Variants in MYT1L observed in about 807,000 individuals in gnomAD.
MYT1L encodes the protein myelin transcription factor 1-like protein.
In MYT1L, 12 loss-of-function variants were observed where a neutral mutation model predicts 126.7. The ratio of observed to expected loss-of-function variants is 0.09; its 90% CI spans 0.06 to 0.15. The LOEUF (loss-of-function observed/expected upper bound fraction) is 0.15. Among genes scored for constraint, MYT1L ranks in the 10% least tolerant of loss-of-function variants. The pLI is 1.00. For synonymous variants in MYT1L, 541 were observed against 604.2 expected, an observed-to-expected ratio of 0.90 and a Z score of 1.53; for missense variants, 979 against 1,585.2, an observed-to-expected ratio of 0.62 and a Z score of 6.49.
intron 2 of MYT1L, among the ~76,000 whole-genome samples, chr2:2,180,552 CTGTGTGGGCCCGTGTGTGTACCTG>C (rs1251384967): frequency 1.3e-5 from 2 of 151,226 alleles, no homozygotes; most frequent in Non-Finnish European, 3.0e-5. Flanking sequence ...GTATCTGTAC[CTGTGTGGGCCCGTGTGTGTACCTG>C]TGTGTGCGCC....
intron 19 of MYT1L, among the ~76,000 whole-genome samples, chr2:1,850,239 CCTTCCTTCCTTCCCT>C: frequency 1.6e-5 from 1 of 60,646 alleles, no homozygotes. Flanking sequence ...TTCCTTCCTT[CCTTCCTTCCTTCCCT>C]GTCTTTTCTC....
rs2070179926 is a variant in MYT1L at position 2,059,989 on chromosome 2, T to TG, written c.-303-5867_-303-5866insC. 6.6e-6 allele frequency among the ~76,000 whole-genome samples: 1 copy of TG among 152,210 alleles called. No homozygotes were observed. The highest frequency in any genetic ancestry group is 1.5e-5 in the Non-Finnish European group (1 of 68,044). ...GCAGGGGACAGAGCCCATTAGATTCTAAACCCCAGAACTGGGCCCACTGCA... is the reference window on the plus strand; with the variant it reads ...GCAGGGGACAGAGCCCATTAGATTCTGAAACCCCAGAACTGGGCCCACTGCA... On this transcript the variant is annotated intron_variant, in intron 3 of 24. Transcript: ENST00000647738. This position sits in a 1 kb window ranked among gnomAD's most constrained non-coding sequence, Gnocchi z 4.7.
chr2:1,861,997 A>ATCCGCCTGC (rs1558192114), intron 18 of MYT1L, among the ~76,000 whole-genome samples: 1 of 151,368 alleles, frequency 6.6e-6, no homozygotes, highest in Admixed American at 6.6e-5. Context: ...GTAATCCTGG[A>ATCCGCCTGC]ATTCGCTGAG....
At chr2:1,898,993 G>A (rs1236306163) in intron 14 of MYT1L, among the ~76,000 whole-genome samples, 1 of 152,232 alleles carries the variant, frequency 6.6e-6, no homozygotes, top group Non-Finnish European at 1.5e-5. Flanking sequence ...CAAGATGATA[G>A]GAAGGTCTGA....
intron 2 of MYT1L, among the ~76,000 whole-genome samples, chr2:2,268,395 G>T (rs764760928): frequency 6.6e-6 from 1 of 152,172 alleles, no homozygotes; most frequent in African/African-American, 2.4e-5. Flanking sequence ...GACATGTAAA[G>T]TGCAAAACAG....
chr2:1,855,231 C>T (rs2043764331), intron 18 of MYT1L, among the ~76,000 whole-genome samples: 1 of 152,210 alleles, frequency 6.6e-6, no homozygotes, highest in Admixed American at 6.5e-5. Flanking sequence ...AAGGGATCTT[C>T]GCCTCTCAAA....
chr2:1,922,641 G>A lies in MYT1L; in HGVS notation c.1128C>T (p.Tyr376=), dbSNP rs1468185170. The A allele has an allele frequency of 8.1e-6, 13 of 1,613,836 alleles. No homozygotes were observed. In the African/African-American group the frequency reaches 1.6e-4, roughly 20 times the overall value. The change falls in exon 10 of 25, where the codon TAC becomes TAT. Residue 376 remains tyrosine, a synonymous_variant. Coordinates refer to ENST00000647738, the MANE Select transcript of MYT1L (RefSeq NM_001303052.2). This position sits in a 1 kb window ranked among gnomAD's most constrained non-coding sequence, Gnocchi z 7.4. The part of the protein sequence containing the change: ...DFPGRTPDRN[Y]SDMLNLMRLE... The stretch of plus-strand genomic sequence containing the variant: ...GCCGCATGAGGTTCAGCATGTCCGA[G>A]TAGTTTCTGTCCGGCGTCCTTCCGG...
At chr2:2,099,940 A>C (rs2150463663) in intron 3 of MYT1L, among the ~76,000 whole-genome samples, 1 of 152,326 alleles carries the variant, frequency 6.6e-6, no homozygotes, top group African/African-American at 2.4e-5. Flanking sequence ...CTTATGATTG[A>C]CAGAGAGAGC....
intron 9 of MYT1L, 106 bp from the exon 10 acceptor site, chr2:1,923,369 C>A (rs2053818996): frequency 1.1e-6 from 1 of 930,588 alleles, no homozygotes; most frequent in Non-Finnish European, 1.6e-6. Flanking sequence ...GCAAGTCAAA[C>A]CGTCTATCAT....
At chr2:1,948,560 T>C (rs1300810784) in intron 8 of MYT1L, among the ~76,000 whole-genome samples, 1 of 152,220 alleles carries the variant, frequency 6.6e-6, no homozygotes, top group Non-Finnish European at 1.5e-5. Flanking sequence ...TTCTGGGACA[T>C]GAGTTTGGGG....
chr2:1,906,943 A>T (rs1275623287), intron 13 of MYT1L, among the ~76,000 whole-genome samples: 3 of 150,588 alleles, frequency 2.0e-5, no homozygotes, highest in Non-Finnish European at 3.0e-5. Context: ...ATAAATAAAT[A>T]AAAAATAATA....
At position 2,133,323 on chromosome 2, in the gene MYT1L, C is replaced by T. The variant is rs73913207; in HGVS notation, c.-304+39549G>A. Among the ~76,000 whole-genome samples, 1,321 of 152,168 alleles carry T rather than the reference C, an allele frequency of 8.7e-3. 21 individuals carry two copies. The highest frequency in any genetic ancestry group is 0.026 in the African/African-American group (1,099 of 41,492). ...CCAACATTTGCAAATTAGGGACACA[C>T]GGAACAAGGCACATCACAAAACAGT... On this transcript the variant is annotated intron_variant, in intron 3 of 24. Coordinates refer to ENST00000647738, the MANE Select transcript of MYT1L (RefSeq NM_001303052.2).
chr2:2,010,461 G>A (rs1447390980), intron 4 of MYT1L, among the ~76,000 whole-genome samples: 2 of 152,094 alleles, frequency 1.3e-5, no homozygotes, highest in Non-Finnish European at 2.9e-5. Context: ...CCTGCTGCCA[G>A]TGACAGCAGT....
At chr2:2,107,477 C>T (rs1421746880) in intron 3 of MYT1L, among the ~76,000 whole-genome samples, 2 of 152,236 alleles carry the variant, frequency 1.3e-5, no homozygotes, top group Admixed American at 1.3e-4. Flanking sequence ...TTACAGAAAG[C>T]ATTTGCGGGA....
intron 1 of MYT1L, among the ~76,000 whole-genome samples, chr2:2,307,343 G>C (rs544995171): frequency 9.9e-5 from 15 of 152,250 alleles, no homozygotes; most frequent in Non-Finnish European, 2.9e-5. Context: ...GGGTGATAGT[G>C]GGGGTGTGTG....
intron 2 of MYT1L, among the ~76,000 whole-genome samples, chr2:2,226,456 C>T (rs942944764): frequency 1.3e-5 from 2 of 152,178 alleles, no homozygotes; most frequent in Non-Finnish European, 2.9e-5. Flanking sequence ...TGGCCGTGGA[C>T]ACCGCTCTCC....
chr2:2,067,117 A>G (rs2073976456), intron 3 of MYT1L, among the ~76,000 whole-genome samples: 1 of 152,214 alleles, frequency 6.6e-6, no homozygotes, highest in Non-Finnish European at 1.5e-5. Flanking sequence ...AGGGTCAGGA[A>G]TATCTCCAAC....
intron 3 of MYT1L, among the ~76,000 whole-genome samples, chr2:2,122,245 C>T (rs2081128374): frequency 6.6e-6 from 1 of 152,182 alleles, no homozygotes; most frequent in Admixed American, 6.5e-5. Context: ...TATGTGCCAT[C>T]TTGGACGATG....
chr2:2,170,427 T>A (rs2089859403), intron 3 of MYT1L, among the ~76,000 whole-genome samples: 1 of 152,220 alleles, frequency 6.6e-6, no homozygotes, highest in Non-Finnish European at 1.5e-5. Context: ...CTGTTGCCTG[T>A]GGCTCATTTC....
Sources: allele counts gnomAD v4.1 joint callset (sites outside exome capture counted in the v4.1 genomes callset), GRCh38; gene constraint gnomAD v4.1.1; non-coding constraint Gnocchi (gnomAD v3.1); transcripts MANE v1.5; gene names NCBI Gene and HGNC (gene_info 2026-07-23, HGNC 2026-07-21).